The following CCDC85A variants were observed in gnomAD, a reference collection of about 807,000 sequenced individuals.
CCDC85A encodes the protein coiled-coil domain containing 85A, also known as coiled-coil domain-containing protein 85A.
Under a neutral mutation model 50.2 loss-of-function variants are expected in CCDC85A, and 38 were observed. That is an observed-to-expected ratio of 0.76 (90% CI 0.58 to 0.99). The LOEUF (loss-of-function observed/expected upper bound fraction) is 0.99, where lower values mean the gene tolerates loss of function less well. CCDC85A is among the 50% of genes least tolerant of loss of function. The pLI is 0.00. For missense variants in CCDC85A, 820 were observed against 742.0 expected, an observed-to-expected ratio of 1.11 and a Z score of -1.22; for synonymous variants, 366 against 301.4, an observed-to-expected ratio of 1.21 and a Z score of -2.22.
intron 2 of CCDC85A, among the ~76,000 whole-genome samples, chr2:56,332,447 T>C (rs573422778): frequency 6.6e-6 from 1 of 152,344 alleles, no homozygotes; most frequent in East Asian, 1.9e-4. Context: ...GAAAGGGATC[T>C]TTCAAGACTC....
intron 2 of CCDC85A, among the ~76,000 whole-genome samples, chr2:56,308,159 G>A (rs184536823): frequency 6.6e-6 from 1 of 152,270 alleles, no homozygotes; most frequent in African/African-American, 2.4e-5. Context: ...GTTGTGAGAA[G>A]CCAGTATAGT....
intron 2 of CCDC85A, among the ~76,000 whole-genome samples, chr2:56,245,580 G>T (rs1470436089): frequency 1.3e-5 from 2 of 152,150 alleles, no homozygotes; most frequent in Non-Finnish European, 2.9e-5. Context: ...GTCACATTTG[G>T]TGTTCTGCAA....
intron 2 of CCDC85A, among the ~76,000 whole-genome samples, chr2:56,230,821 GC>G (rs1206244724): frequency 7.2e-5 from 11 of 152,144 alleles, no homozygotes; most frequent in Non-Finnish European, 1.2e-4. Flanking sequence ...CTTGACCTTG[GC>G]TCTGGCACCG....
At chr2:56,313,311 A>C (rs758446840) in intron 2 of CCDC85A, among the ~76,000 whole-genome samples, 1 of 152,286 alleles carries the variant, frequency 6.6e-6, no homozygotes, top group South Asian at 2.1e-4. Flanking sequence ...CATGTGTGCT[A>C]TATCTCTTCA....
chr2:56,197,905 A>G (rs1246252251), intron 2 of CCDC85A, among the ~76,000 whole-genome samples: 1 of 152,242 alleles, frequency 6.6e-6, no homozygotes. Flanking sequence ...AAGCCTTTAC[A>G]TCCAGATAGA....
chr2:56,225,552 T>C (rs1263413582), intron 2 of CCDC85A, among the ~76,000 whole-genome samples: 1 of 152,208 alleles, frequency 6.6e-6, no homozygotes, highest in African/African-American at 2.4e-5. Flanking sequence ...TGTAGTAAGT[T>C]TTGAAATCAG....
At position 56,269,334 on chromosome 2, in the gene CCDC85A, G is replaced by GGTGTGTGTGTGTGTGT. The variant is rs70955014; in HGVS notation, c.1241-73532_1241-73517dup. 3.9e-3 allele frequency among the ~76,000 whole-genome samples: 581 copies of GGTGTGTGTGTGTGTGT among 149,298 alleles called. 5 individuals carry two copies. The highest frequency in any genetic ancestry group is 5.4e-3 in the Non-Finnish European group (361 of 67,374). ...GCACACTACCATACTCCTTGGCAAG[G>GGTGTGTGTGTGTGTGT]GTGTGTGTGTGTGTGTGTGTGTGTG... On this transcript the variant is annotated intron_variant, in intron 2 of 5. Transcript: ENST00000407595.
At chr2:56,223,873 A>C (rs1038128985) in intron 2 of CCDC85A, among the ~76,000 whole-genome samples, 2 of 151,548 alleles carry the variant, frequency 1.3e-5, no homozygotes. Flanking sequence ...ATCCACTTCA[A>C]CTCTCTGATG....
At chr2:56,371,173 C>T (rs769754736) in intron 3 of CCDC85A, among the ~76,000 whole-genome samples, 7 of 152,004 alleles carry the variant, frequency 4.6e-5, no homozygotes, top group African/African-American at 1.2e-4. Context: ...CTCTGTTATA[C>T]GTGAGAAGTA....
At chr2:56,283,726 G>C (rs1001548791) in intron 2 of CCDC85A, among the ~76,000 whole-genome samples, 1 of 152,070 alleles carries the variant, frequency 6.6e-6, no homozygotes, top group African/African-American at 2.4e-5. Context: ...TGTAGGATCT[G>C]TAATGACATA....
chr2:56,246,480 C>A (rs1438035296), intron 2 of CCDC85A, among the ~76,000 whole-genome samples: 1 of 150,478 alleles, frequency 6.6e-6, no homozygotes, highest in Non-Finnish European at 1.5e-5. Context: ...ATGTTTTCTT[C>A]TAAAAGTTTT....
rs150237073 is a variant in CCDC85A at position 56,353,785 on chromosome 2, A to G, written c.1317+10830A>G. ...CAGTGCAACATTTTGAAGAGAGCCA[A>G]AAACTAGGAACAGTCTTATTATTTG... On this transcript the variant is annotated intron_variant, in intron 3 of 5. Coordinates refer to ENST00000407595, the MANE Select transcript of CCDC85A (RefSeq NM_001080433.2). Among the ~76,000 whole-genome samples the G allele has an allele frequency of 1.1e-3, 170 of 152,340 alleles. 2 individuals are homozygous for G. Among genetic ancestry groups the G allele is most frequent in the African/African-American group, 3.8e-3 (156 of 41,584 alleles).
At chr2:56,265,347 G>C (rs574668852) in intron 2 of CCDC85A, among the ~76,000 whole-genome samples, 1 of 152,252 alleles carries the variant, frequency 6.6e-6, no homozygotes, top group East Asian at 1.9e-4. Flanking sequence ...GATTAACTGT[G>C]CTTATGTTTA....
intron 2 of CCDC85A, among the ~76,000 whole-genome samples, chr2:56,315,934 T>G (rs1336405845): frequency 2.0e-5 from 3 of 152,070 alleles, no homozygotes; most frequent in Non-Finnish European, 4.4e-5. Context: ...GTAACTAGAA[T>G]AACTGAGGGA....
intron 5 of CCDC85A, among the ~76,000 whole-genome samples, chr2:56,379,305 A>G (rs1290150551): frequency 6.6e-6 from 1 of 152,098 alleles, no homozygotes; most frequent in African/African-American, 2.4e-5. Flanking sequence ...GACCAGTTTC[A>G]CCTGTCACTA....
Position 56,322,173 on chromosome 2 carries a change from C to T in CCDC85A, c.1241-20706C>T, listed in dbSNP as rs546256781. Among the ~76,000 whole-genome samples the T allele has an allele frequency of 3.3e-5, 5 of 152,294 alleles. No individual in the cohort carries two copies. In the South Asian group the frequency reaches 8.3e-4, roughly 25 times the overall value. ...TGGATTAAAGACTTAAATGTTAGAC[C>T]TAAAGCCATAAAAACTCTAGAAGAA... On this transcript the variant is annotated intron_variant, in intron 2 of 5. Transcript: ENST00000407595.
chr2:56,357,621 C>T (rs1675298657), intron 3 of CCDC85A, among the ~76,000 whole-genome samples: 3 of 141,578 alleles, frequency 2.1e-5, no homozygotes, highest in Non-Finnish European at 3.0e-5. Flanking sequence ...CAAGAAGGGA[C>T]ATTGTAGGTC....
At chr2:56,230,539 T>C (rs140546747) in intron 2 of CCDC85A, among the ~76,000 whole-genome samples, 4 of 152,258 alleles carry the variant, frequency 2.6e-5, no homozygotes, top group African/African-American at 7.2e-5. Flanking sequence ...ATGTTGGAAA[T>C]GTGCTTTTAA....
chr2:56,280,489 A>G (rs752906762), intron 2 of CCDC85A, among the ~76,000 whole-genome samples: 22 of 152,186 alleles, frequency 1.4e-4, no homozygotes, highest in Non-Finnish European at 2.8e-4. Context: ...TTGACCGTCC[A>G]TAGTACATGC....
Sources: allele counts gnomAD v4.1 joint callset (sites outside exome capture counted in the v4.1 genomes callset), GRCh38; gene constraint gnomAD v4.1.1; transcripts MANE v1.5; gene names NCBI Gene and HGNC (gene_info 2026-07-23, HGNC 2026-07-21).